The following NRG3 variants were observed in gnomAD, a reference collection of about 807,000 sequenced individuals.
NRG3 encodes pro-neuregulin-3, membrane-bound isoform.
A neutral mutation model predicts 66.9 loss-of-function variants in NRG3; 31 were observed. That is an observed-to-expected ratio of 0.46 (90% CI 0.35 to 0.63). The LOEUF is 0.63. Among genes scored for constraint, NRG3 ranks in the 20% least tolerant of loss-of-function variants. The probability of loss-of-function intolerance (pLI) is 0.00; values close to 1 mark genes in which losing one functional copy is unlikely to be tolerated. For missense variants in NRG3, 910 were observed against 878.9 expected (o/e 1.04, Z -0.45); for synonymous variants, 393 against 359.4 (o/e 1.09, Z -1.06).
rs143837401 is a variant in NRG3, at chr10:82,457,503, A to G, written c.953+98635A>G. ...CCTCCTGCTCTGTGGCCTGGTTCCT[A>G]ACAGGCCATGGACCAGCAGCAGTCC... On this transcript the variant is annotated intron_variant, in intron 2 of 8. Coordinates refer to ENST00000372141, the MANE Select transcript of NRG3 (RefSeq NM_001010848.4). Among the ~76,000 whole-genome samples the G allele has an allele frequency of 4.0e-3, 608 of 152,124 alleles. 3 individuals are homozygous for G. Among genetic ancestry groups the G allele is most frequent in the Admixed American group, 8.1e-3 (123 of 15,274 alleles).
At chr10:82,145,648 G>A (rs777769469) in intron 1 of NRG3, among the ~76,000 whole-genome samples, 2 of 152,114 alleles carry the variant, frequency 1.3e-5, no homozygotes, top group Non-Finnish European at 2.9e-5. Flanking sequence ...GTTGATGTAC[G>A]CTGTGTGTTA....
intron 1 of NRG3, among the ~76,000 whole-genome samples, chr10:82,162,213 A>G (rs971649814): frequency 6.6e-6 from 1 of 152,142 alleles, no homozygotes; most frequent in Non-Finnish European, 1.5e-5. Context: ...AGTTTCCAGG[A>G]TGGGTTCAGG....
intron 4 of NRG3, among the ~76,000 whole-genome samples, chr10:82,875,887 G>A (rs924303369): frequency 2.6e-5 from 4 of 152,208 alleles, no homozygotes; most frequent in African/African-American, 4.8e-5. Flanking sequence ...AGAAGTAAAA[G>A]TGTTTACACA....
chr10:82,328,645 G>A (rs1055021341), intron 1 of NRG3, among the ~76,000 whole-genome samples: 2 of 152,072 alleles, frequency 1.3e-5, no homozygotes, highest in African/African-American at 2.4e-5. Flanking sequence ...CAGGGTTTGG[G>A]GACCTGTAAC....
At chr10:82,924,598 T>A (rs1244694440) in intron 4 of NRG3, among the ~76,000 whole-genome samples, 1 of 151,974 alleles carries the variant, frequency 6.6e-6, no homozygotes, top group Non-Finnish European at 1.5e-5. Flanking sequence ...AAAAAGCTTT[T>A]AAAGATTGTA....
intron 1 of NRG3, among the ~76,000 whole-genome samples, chr10:81,989,663 T>C (rs568301374): frequency 1.3e-5 from 2 of 152,272 alleles, no homozygotes; most frequent in Admixed American, 6.5e-5. Flanking sequence ...CTTACTGTCA[T>C]TTTTGGATTT....
intron 1 of NRG3, among the ~76,000 whole-genome samples, chr10:81,917,755 T>C (rs1170073493): frequency 6.6e-6 from 1 of 152,204 alleles, no homozygotes; most frequent in Non-Finnish European, 1.5e-5. Flanking sequence ...GTTTCATGCA[T>C]TTTAGAAAAC....
chr10:82,935,313 T>C (rs1847954223), intron 4 of NRG3, among the ~76,000 whole-genome samples: 1 of 152,174 alleles, frequency 6.6e-6, no homozygotes, highest in Admixed American at 6.5e-5. Context: ...ATATGATTTC[T>C]TCTTTCTTTC....
At chr10:82,340,084 T>C (rs918736985) in intron 1 of NRG3, among the ~76,000 whole-genome samples, 1 of 152,196 alleles carries the variant, frequency 6.6e-6, no homozygotes, top group African/African-American at 2.4e-5. Context: ...TGATTGACTT[T>C]GTTTGCACCG....
At chr10:82,306,209 T>A (rs1022169339) in intron 1 of NRG3, among the ~76,000 whole-genome samples, 2 of 152,210 alleles carry the variant, frequency 1.3e-5, no homozygotes, top group African/African-American at 4.8e-5. Flanking sequence ...TGATGTATTA[T>A]TCTTTTTACA....
chr10:81,914,758 A>AAAACAGAAAGC (rs1845499300), intron 1 of NRG3, among the ~76,000 whole-genome samples: 1 of 146,738 alleles, frequency 6.8e-6, no homozygotes, highest in South Asian at 2.3e-4. Context: ...CCTGTCTTTA[A>AAAACAGAAAGC]AAACAGAAAG....
chr10:82,524,358 T>C (rs1383865151), intron 2 of NRG3, among the ~76,000 whole-genome samples: 1 of 152,008 alleles, frequency 6.6e-6, no homozygotes, highest in African/African-American at 2.4e-5. Context: ...TTATATGAGA[T>C]ACATAGTAGG....
At chr10:82,419,703 A>G (rs1487537689) in intron 2 of NRG3, among the ~76,000 whole-genome samples, 3 of 152,320 alleles carry the variant, frequency 2.0e-5, no homozygotes, top group Non-Finnish European at 4.4e-5. Context: ...AAGTTCATCA[A>G]ATAAAACGTA....
intron 1 of NRG3, among the ~76,000 whole-genome samples, chr10:82,081,017 A>G (rs1172504897): frequency 6.6e-6 from 1 of 152,046 alleles, no homozygotes; most frequent in Non-Finnish European, 1.5e-5. Context: ...TAAACTCTCC[A>G]AGTAATCGTC....
intron 2 of NRG3, among the ~76,000 whole-genome samples, chr10:82,423,559 A>G (rs1021199138): frequency 5.3e-5 from 8 of 151,878 alleles, no homozygotes; most frequent in Non-Finnish European, 1.0e-4. Flanking sequence ...TGAATCCAAT[A>G]TGTGGAGGGA....
chr10:82,673,812 A>T (rs1048494531), intron 2 of NRG3, among the ~76,000 whole-genome samples: 1 of 152,210 alleles, frequency 6.6e-6, no homozygotes, highest in Non-Finnish European at 1.5e-5. Context: ...GGAGAGGCCT[A>T]TGCTAAAAAT....
intron 1 of NRG3, among the ~76,000 whole-genome samples, chr10:82,154,421 A>G (rs1024700424): frequency 1.1e-4 from 16 of 151,922 alleles, no homozygotes; most frequent in African/African-American, 3.9e-4. Context: ...GTTCTGTTCC[A>G]TTGGATTATA....
intron 1 of NRG3, among the ~76,000 whole-genome samples, chr10:81,955,201 CACAT>C (rs1344640201): frequency 6.7e-6 from 1 of 148,658 alleles, no homozygotes; most frequent in Non-Finnish European, 1.5e-5. Flanking sequence ...TATACACACA[CACAT>C]ACAGAGAGTG....
intron 2 of NRG3, among the ~76,000 whole-genome samples, chr10:82,466,596 A>C (rs548668223): frequency 6.6e-6 from 1 of 152,316 alleles, no homozygotes; most frequent in South Asian, 2.1e-4. Context: ...GTAAATAAGC[A>C]GGATGCTGCC....
Sources: gnomAD v4.1 joint callset for allele counts (sites outside exome capture counted in the v4.1 genomes callset) on GRCh38, gnomAD v4.1.1 for gene constraint, MANE v1.5 for transcripts, NCBI Gene and HGNC (gene_info 2026-07-23, HGNC 2026-07-21) for gene names.